The following YIPF1 variants were observed in gnomAD, a reference collection of about 807,000 sequenced individuals.
YIPF1 encodes Yip1 domain family member 1.
YIPF1 carries 22 observed loss-of-function variants against 37.0 expected under a neutral mutation model. That is an observed-to-expected ratio of 0.59 (90% CI 0.42 to 0.85). The LOEUF (loss-of-function observed/expected upper bound fraction) is 0.85. Ranked by LOEUF, YIPF1 falls within the 40% of genes least tolerant of loss-of-function variation. The pLI is 0.00. For missense variants in YIPF1, 355 were observed against 373.1 expected, an observed-to-expected ratio of 0.95 and a Z score of 0.40; for synonymous variants, 128 against 131.9, an observed-to-expected ratio of 0.97 and a Z score of 0.21.
rs181794375 is a variant in YIPF1 at position 53,866,351 on chromosome 1, C to T, written c.680G>A (p.Arg227His). The change falls in exon 9 of 11, where the codon CGT becomes CAT. Residue 227 changes from arginine to histidine, a missense_variant. By Grantham distance (29) the Arg-to-His change is conservative (BLOSUM62 0). Transcript: ENST00000072644. Reference protein sequence around the residue: ...ILWIIPQKAVRWILVMIALGI... With the variant: ...ILWIIPQKAVHWILVMIALGI... The stretch of plus-strand genomic sequence containing the variant: ...CAGGGCAATCATGACTAGAATCCAA[C>T]GAACAGCTTTCTGGGGGATAATCCA... The T allele has an allele frequency of 5.2e-4, 836 of 1,614,024 alleles. No individual in the cohort carries two copies. The highest frequency in any genetic ancestry group is 3.4e-4 in the Non-Finnish European group (397 of 1,179,972).
At chr1:53,870,039 T>C (rs2100730350) in intron 7 of YIPF1, among the ~76,000 whole-genome samples, 1 of 152,018 alleles carries the variant, frequency 6.6e-6, no homozygotes, top group East Asian at 1.9e-4. Flanking sequence ...ATTTTTTATT[T>C]TTAGTAGAGA....
intron 9 of YIPF1, among the ~76,000 whole-genome samples, chr1:53,861,472 T>G (rs139415091): frequency 8.0e-4 from 122 of 152,192 alleles, no homozygotes; most frequent in South Asian, 7.5e-3. Context: ...CACTGTGACT[T>G]TGGACAAGTC....
intron 6 of YIPF1, among the ~76,000 whole-genome samples, chr1:53,874,267 C>A (rs1650276321): frequency 6.6e-6 from 1 of 152,182 alleles, no homozygotes; most frequent in Non-Finnish European, 1.5e-5. Context: ...CATCCCAGGA[C>A]CTGCCATGTT....
chr1:53,857,126 C>G (rs1467180492), intron 10 of YIPF1, among the ~76,000 whole-genome samples: 2 of 152,172 alleles, frequency 1.3e-5, no homozygotes, highest in Non-Finnish European at 2.9e-5. Context: ...TCTACGAAGC[C>G]ACAGGAATTG....
At chr1:53,874,563 T>C (rs1266390472) in intron 6 of YIPF1, among the ~76,000 whole-genome samples, 1 of 152,028 alleles carries the variant, frequency 6.6e-6, no homozygotes, top group Non-Finnish European at 1.5e-5. Context: ...GGTTAGGAGT[T>C]TGAGACCAGC....
chr1:53,879,286 G>C (rs761171428), intron 4 of YIPF1, among the ~76,000 whole-genome samples: 1 of 151,970 alleles, frequency 6.6e-6, no homozygotes, highest in Non-Finnish European at 1.5e-5. Flanking sequence ...TAGAGACAGA[G>C]TCTCATTATT....
chr1:53,856,618 C>T (rs1027460442), intron 10 of YIPF1, among the ~76,000 whole-genome samples: 10 of 152,156 alleles, frequency 6.6e-5, no homozygotes, highest in African/African-American at 2.4e-4. Flanking sequence ...CTTTATGACC[C>T]AGTTCAAACA....
chr1:53,866,866 C>T lies in YIPF1; in HGVS notation c.540G>A (p.Trp180Ter). The T allele has an allele frequency of 6.2e-7, 1 of 1,614,090 alleles. No individual in the cohort carries two copies. Among genetic ancestry groups the T allele is most frequent in the South Asian group, 1.1e-5 (1 of 91,074 alleles). ...AYAWLVPLAL[W>*]GFLMWRNSKV... ...TGCTGTTTCTCCACATGAGGAAACC[C>T]CAGAGTGCAAGAGGAACCAGCCAGG... is the stretch of plus-strand genomic sequence containing the variant. Residue 180 changes from tryptophan (W) to a stop codon, truncating the protein, a stop_gained, in exon 8 of 11, where the codon TGG (tryptophan) becomes TGA (stop). Transcript: ENST00000072644. LOFTEE classifies it high-confidence loss of function.
chr1:53,888,476 G>A lies in YIPF1; in HGVS notation c.31+431C>T, dbSNP rs560365555. Among the ~76,000 whole-genome samples the A allele has an allele frequency of 7.9e-5, 12 of 152,334 alleles. No homozygotes were observed. The East Asian group carries it at 1.2e-3, about 15-fold the overall frequency. ...GCCCGGTTCCTGGTCACAACCAGGA[G>A]ATATTTACTGATTCAATGAGGGAAT... On this transcript the variant is annotated intron_variant, in intron 3 of 10. Transcript: ENST00000072644.
intron 10 of YIPF1, among the ~76,000 whole-genome samples, chr1:53,858,993 T>A (rs1167964808): frequency 6.6e-6 from 1 of 152,208 alleles, no homozygotes; most frequent in African/African-American, 2.4e-5. Flanking sequence ...ACACATCTCA[T>A]GCCTCTGGGA....
chr1:53,885,385 G>A (rs1301787247), intron 3 of YIPF1, among the ~76,000 whole-genome samples: 2 of 152,162 alleles, frequency 1.3e-5, no homozygotes, highest in Non-Finnish European at 1.5e-5. Flanking sequence ...ACACAAACTG[G>A]TGGTCCCAGC....
At chr1:53,882,582 C>T (rs1039933783) in intron 4 of YIPF1, among the ~76,000 whole-genome samples, 2 of 152,098 alleles carry the variant, frequency 1.3e-5, no homozygotes, top group African/African-American at 4.8e-5. Flanking sequence ...CTTAGTTTCC[C>T]GAGTAGCTGG....
chr1:53,880,161 C>G (rs558727933), intron 4 of YIPF1, among the ~76,000 whole-genome samples: 1 of 152,130 alleles, frequency 6.6e-6, no homozygotes, highest in South Asian at 2.1e-4. Context: ...TAAAAAACCC[C>G]ATCATCTCAG....
At chr1:53,863,124 G>C (rs1269222528) in intron 9 of YIPF1, among the ~76,000 whole-genome samples, 1 of 152,138 alleles carries the variant, frequency 6.6e-6, no homozygotes, top group Non-Finnish European at 1.5e-5. Flanking sequence ...GGACCTCCCT[G>C]CTCCACAGTC....
chr1:53,866,654 T>G, intron 8 of YIPF1, 104 bp downstream of exon 8: 26 of 1,379,988 alleles, frequency 1.9e-5, no homozygotes, highest in Non-Finnish European at 2.6e-5. Flanking sequence ...CAGAAGAACA[T>G]GAGTATTGCG....
chr1:53,878,497 G>C (rs1569642611), intron 5 of YIPF1, 95 bp from the exon 6 acceptor site: 2 of 1,487,812 alleles, frequency 1.3e-6, no homozygotes, highest in East Asian at 4.5e-5. Flanking sequence ...GAGCTTTTAT[G>C]ATAGTATTTT....
intron 6 of YIPF1, among the ~76,000 whole-genome samples, chr1:53,872,585 A>G (rs145585942): frequency 3.3e-5 from 5 of 152,340 alleles, no homozygotes; most frequent in African/African-American, 1.2e-4. Context: ...TTAGATTGAG[A>G]GATTTTAATA....
intron 3 of YIPF1, among the ~76,000 whole-genome samples, chr1:53,886,973 A>G (rs10788968): frequency 0.62 from 93,860 of 151,804 alleles, 29,789 homozygotes; most frequent in East Asian, 0.86. Context: ...CAGCCCATGC[A>G]GCTTGGGCAG....
intron 10 of YIPF1, among the ~76,000 whole-genome samples, chr1:53,854,390 C>T (rs1450727066): frequency 8.5e-5 from 13 of 152,204 alleles, no homozygotes; most frequent in Admixed American, 8.5e-4. Flanking sequence ...CAAAGTTGGT[C>T]CCTAATGTCA....
Sources: allele counts gnomAD v4.1 joint callset (sites outside exome capture counted in the v4.1 genomes callset), GRCh38; gene constraint gnomAD v4.1.1; transcripts MANE v1.5; gene names NCBI Gene and HGNC (gene_info 2026-07-23, HGNC 2026-07-21).